SP100: variants seen among roughly 807,000 people sequenced by gnomAD.
The protein encoded by SP100 is SP100 nuclear body protein.
A neutral mutation model predicts 130.0 loss-of-function variants in SP100; 84 were observed. The observed-to-expected ratio is 0.65, with a 90% CI of 0.54 to 0.77. SP100 has a LOEUF of 0.77. Ranked by LOEUF, SP100 falls within the 30% of genes least tolerant of loss-of-function variation. The pLI is 0.00. For missense variants in SP100, 978 were observed against 1,052.2 expected (o/e 0.93, Z 0.97); for synonymous variants, 331 against 351.7 (o/e 0.94, Z 0.66).
intron 24 of SP100, chr2:230,516,082 T>A (rs1427576617): frequency 2.0e-6 from 2 of 988,948 alleles, no homozygotes; most frequent in African/African-American, 3.5e-5. Context: ...GTAAATACAA[T>A]TTTTAAAAAA....
intron 17 of SP100, among the ~76,000 whole-genome samples, chr2:230,480,327 A>G (rs2065772118): frequency 1.3e-5 from 2 of 152,250 alleles, no homozygotes; most frequent in African/African-American, 2.4e-5. Flanking sequence ...ATATGATTGT[A>G]CAAAATATGT....
At chr2:230,528,168 C>A (rs12997586) in intron 24 of SP100, among the ~76,000 whole-genome samples, 63,219 of 152,006 alleles carry the variant, frequency 0.42, 14,132 homozygotes, top group South Asian at 0.56. Context: ...GAAGTGACCA[C>A]GTAATTTGTA....
chr2:230,496,898 T>C (rs956104375), intron 18 of SP100, among the ~76,000 whole-genome samples: 1 of 152,216 alleles, frequency 6.6e-6, no homozygotes, highest in African/African-American at 2.4e-5. Flanking sequence ...TGACTCTTCA[T>C]ACCCTCTCAA....
intron 1 of SP100, among the ~76,000 whole-genome samples, chr2:230,416,557 T>C (rs1014767343): frequency 6.6e-5 from 10 of 152,114 alleles, no homozygotes; most frequent in Non-Finnish European, 1.3e-4. Context: ...CACGTGACTT[T>C]CTTGTTTTGG....
rs1287926326 is a variant in SP100, at chr2:230,416,215, C to T, written c.-82C>T. 26 of 1,126,994 alleles carry T rather than the reference C, an allele frequency of 2.3e-5. No individual in the cohort carries two copies. The highest frequency in any genetic ancestry group is 2.5e-5 in the Non-Finnish European group (19 of 753,630). The allele number at this position is 1,126,994 out of a possible 1,614,324, so 69.8% of individuals were successfully genotyped here. A position where few individuals can be genotyped will look rare whatever the true frequency, so the allele number is the denominator to read the frequency against. ...GCCGACTTCCTGCTTGGGGCCTGGGCAGCCACACTGCACGCAGGCTGGGCC... is the reference window on the plus strand; with the variant it reads ...GCCGACTTCCTGCTTGGGGCCTGGGTAGCCACACTGCACGCAGGCTGGGCC... On this transcript the variant is annotated 5_prime_UTR_variant, in exon 1 of 29. Coordinates refer to ENST00000340126, the MANE Select transcript of SP100 (RefSeq NM_001080391.2).
chr2:230,473,541 A>C (rs1575687530), intron 16 of SP100, 101 bp downstream of exon 16: 46 of 652,786 alleles, frequency 7.0e-5, no homozygotes, highest in African/African-American at 1.8e-5. Flanking sequence ...AAAGCATGAA[A>C]CAGCCTCTGG....
rs766200174 is a variant in SP100 at position 230,466,261 on chromosome 2, C to G, written c.1142-40C>G. ...CAGTTGTCATAGAATTTATAAGTCT[C>G]TTGCATACAAATAACGGGTTTCTCC... is the stretch of plus-strand genomic sequence containing the variant. On this transcript the variant is annotated intron_variant, in intron 11 of 28. Coordinates refer to ENST00000340126, the MANE Select transcript of SP100 (RefSeq NM_001080391.2). 3 of 1,158,666 alleles carry G rather than the reference C, an allele frequency of 2.6e-6. No individual in the cohort carries two copies. The African/African-American group carries it at 4.7e-5, about 18-fold the overall frequency. The allele number at this position is 1,158,666 out of a possible 1,614,324, so 71.8% of individuals were successfully genotyped here.
In SP100 at chr2:230,542,895, A is replaced by T; in HGVS notation, c.2607A>T (p.Arg869Ser). The T allele has an allele frequency of 6.2e-7, 1 of 1,612,486 alleles. No homozygotes were observed. Among genetic ancestry groups the T allele is most frequent in the Non-Finnish European group, 8.5e-7 (1 of 1,178,552 alleles). The change falls in exon 29 of 29, where the codon AGA becomes AGT. Residue 869 changes from arginine to serine, a missense_variant. Arg to Ser is a moderately radical substitution (Grantham distance 110). Coordinates refer to ENST00000340126, the MANE Select transcript of SP100 (RefSeq NM_001080391.2). Reference protein sequence around the residue: ...QVQDIFEKNFRNIFAIQETSK... With the variant: ...QVQDIFEKNFSNIFAIQETSK... ...AGGACATCTTTGAGAAGAATTTCAG[A>T]AACATTTTTGCAATTCAGGAAACAA...
chr2:230,511,624 C>T (rs1365919926), intron 24 of SP100, among the ~76,000 whole-genome samples: 3 of 150,940 alleles, frequency 2.0e-5, no homozygotes, highest in Non-Finnish European at 4.4e-5. Flanking sequence ...CTGGTGAGTT[C>T]GAGGTATGGA....
chr2:230,529,039 T>A (rs1691570538), intron 24 of SP100, among the ~76,000 whole-genome samples: 1 of 152,174 alleles, frequency 6.6e-6, no homozygotes, highest in Non-Finnish European at 1.5e-5. Flanking sequence ...ACTATTTCAA[T>A]CAGTAGAAAA....
chr2:230,536,701 G>T (rs143443823), intron 24 of SP100, among the ~76,000 whole-genome samples: 44 of 152,272 alleles, frequency 2.9e-4, no homozygotes, highest in African/African-American at 9.4e-4. Flanking sequence ...CAGGGAGACA[G>T]ATTTCAGACT....
chr2:230,468,999 C>A, intron 13 of SP100, 44 bp from the exon 14 acceptor site: 1 of 1,208,786 alleles, frequency 8.3e-7, no homozygotes. Flanking sequence ...ATTTATAGAT[C>A]TTTTAGTTAG....
At chr2:230,505,678 G>A (rs564159961) in intron 21 of SP100, among the ~76,000 whole-genome samples, 58 of 152,254 alleles carry the variant, frequency 3.8e-4, no homozygotes, top group African/African-American at 1.4e-3. Flanking sequence ...ATAGTTCTTT[G>A]AGCACCAACA....
intron 2 of SP100, among the ~76,000 whole-genome samples, chr2:230,426,408 C>A (rs1321253954): frequency 6.6e-6 from 1 of 152,184 alleles, no homozygotes; most frequent in Non-Finnish European, 1.5e-5. Context: ...TCCTGCATCT[C>A]ATTAAGTTTT....
intron 13 of SP100, among the ~76,000 whole-genome samples, chr2:230,467,780 G>A (rs1231227625): frequency 6.6e-6 from 1 of 152,154 alleles, no homozygotes; most frequent in African/African-American, 2.4e-5. Flanking sequence ...CCATATCACT[G>A]CCAGACCTAT....
Position 230,461,306 on chromosome 2 carries a change from T to C in SP100, c.865T>C (p.Cys289Arg). The change falls in exon 9 of 29, where the codon TGT (cysteine) becomes CGT (arginine). Residue 289 changes from cysteine (C) to arginine (R), a missense_variant. Coordinates refer to ENST00000340126, the MANE Select transcript of SP100 (RefSeq NM_001080391.2). ...CAACCATGGAATCCAAATTAATTCC[T>C]GTTCTGTGCGACTGGTGGATATAAA... Reference protein sequence around the residue: ...LHNHGIQINSCSVRLVDIKKE... With the variant: ...LHNHGIQINSRSVRLVDIKKE... 6.2e-7 allele frequency: 1 copy of C among 1,614,132 alleles called. No individual in the cohort carries two copies. The highest frequency in any genetic ancestry group is 1.1e-5 in the South Asian group (1 of 91,082).
At chr2:230,472,018 G>A (rs2065285033) in intron 15 of SP100, among the ~76,000 whole-genome samples, 1 of 152,078 alleles carries the variant, frequency 6.6e-6, no homozygotes, top group Admixed American at 6.6e-5. Flanking sequence ...ATGGCTATGT[G>A]GTCAGTGTCC....
intron 2 of SP100, among the ~76,000 whole-genome samples, chr2:230,430,521 C>T (rs1340890405): frequency 1.3e-5 from 2 of 152,208 alleles, no homozygotes; most frequent in Admixed American, 6.5e-5. Context: ...ACAGAATATG[C>T]CCCTCCCTTA....
chr2:230,471,034 G>C (rs564504568), intron 15 of SP100, among the ~76,000 whole-genome samples: 10 of 151,954 alleles, frequency 6.6e-5, no homozygotes. Context: ...AATAAAAATC[G>C]CAAACAGACA....
Sources: allele counts gnomAD v4.1 joint callset (sites outside exome capture counted in the v4.1 genomes callset), GRCh38; gene constraint gnomAD v4.1.1; transcripts MANE v1.5; gene names NCBI Gene and HGNC (gene_info 2026-07-23, HGNC 2026-07-21).